Variants in ANK2 observed in about 807,000 individuals in gnomAD.
ANK2 encodes the protein ankyrin 2, also known as ankyrin-2.
In ANK2, 83 loss-of-function variants were observed where a neutral mutation model predicts 360.5. The observed-to-expected ratio is 0.23, with a 90% confidence interval of 0.19 to 0.28. ANK2 has a LOEUF of 0.28. Among genes scored for constraint, ANK2 ranks in the 10% least tolerant of loss-of-function variants. The probability of loss-of-function intolerance (pLI) is 1.00; values close to 1 mark genes in which losing one functional copy is unlikely to be tolerated. For synonymous variants in ANK2, 1,740 were observed against 1,759.5 expected (o/e 0.99, Z 0.28); for missense variants, 4,201 against 4,795.7 (o/e 0.88, Z 3.66).
intron 1 of ANK2, among the ~76,000 whole-genome samples, chr4:113,159,296 C>T (rs944714745): frequency 6.6e-6 from 1 of 151,564 alleles, no homozygotes; most frequent in Non-Finnish European, 1.5e-5. Flanking sequence ...AATATATAGA[C>T]TCCCTATGAC....
intron 1 of ANK2, among the ~76,000 whole-genome samples, chr4:113,129,088 A>C (rs2095848239): frequency 6.6e-6 from 1 of 152,216 alleles, no homozygotes; most frequent in Admixed American, 6.5e-5. Context: ...GCAACAAAAT[A>C]ACTAATAAAA....
At chr4:113,107,190 T>G (rs1258054628) in intron 1 of ANK2, among the ~76,000 whole-genome samples, 2 of 152,140 alleles carry the variant, frequency 1.3e-5, no homozygotes, top group Non-Finnish European at 2.9e-5. Flanking sequence ...ATTTTAAGAC[T>G]CATTCCACAG....
At chr4:112,917,691 C>T (rs1403388485) in intron 2 of ANK2, among the ~76,000 whole-genome samples, 1 of 152,130 alleles carries the variant, frequency 6.6e-6, no homozygotes, top group African/African-American at 2.4e-5. Context: ...TTTTTCAGTG[C>T]ACTAAGAAGA....
chr4:112,995,540 G>T (rs934274159), intron 2 of ANK2, among the ~76,000 whole-genome samples: 1 of 152,112 alleles, frequency 6.6e-6, no homozygotes. Flanking sequence ...CCATTCTGTA[G>T]GTTGTCTGTT....
intron 1 of ANK2, among the ~76,000 whole-genome samples, chr4:113,132,562 A>G (rs755680933): frequency 6.6e-6 from 1 of 152,160 alleles, no homozygotes; most frequent in South Asian, 2.1e-4. Flanking sequence ...CCGTGGCATG[A>G]TGGTAGCTTC....
chr4:113,021,541 C>CACACATATATAT (rs1489947974), intron 2 of ANK2, among the ~76,000 whole-genome samples: 3 of 95,572 alleles, frequency 3.1e-5, no homozygotes, highest in Admixed American at 1.1e-4. Flanking sequence ...CACACACAAA[C>CACACATATATAT]ATATATATAT....
chr4:113,185,675 T>A (rs957304214), intron 2 of ANK2, among the ~76,000 whole-genome samples: 6 of 152,246 alleles, frequency 3.9e-5, no homozygotes, highest in African/African-American at 1.4e-4. Flanking sequence ...TTTACTCTGA[T>A]GAAAGTTTCT....
At chr4:112,805,181 T>C in the ANK2 span, among the ~76,000 whole-genome samples, 2 of 152,102 alleles carry the variant, frequency 1.3e-5, no homozygotes, top group Non-Finnish European at 2.9e-5. Flanking sequence ...CCACTGTTTG[T>C]AGGAAAATTA....
intron 2 of ANK2, among the ~76,000 whole-genome samples, chr4:112,946,102 T>G (rs2094525947): frequency 6.6e-6 from 1 of 152,202 alleles, no homozygotes; most frequent in East Asian, 1.9e-4. Context: ...TTTTCTGGGC[T>G]CAGGTTCCAG....
At chr4:112,945,304 T>G (rs1487999581) in intron 2 of ANK2, among the ~76,000 whole-genome samples, 2 of 152,210 alleles carry the variant, frequency 1.3e-5, no homozygotes, top group Non-Finnish European at 2.9e-5. Flanking sequence ...TCCCATCTTG[T>G]GCCCAGAAGG....
intron 2 of ANK2, among the ~76,000 whole-genome samples, chr4:113,024,967 A>AT (rs1435141903): frequency 2.6e-5 from 4 of 152,042 alleles, no homozygotes; most frequent in African/African-American, 9.7e-5. Flanking sequence ...ATTTCATGGT[A>AT]TTTTTGGCAC....
At position 113,353,592 on chromosome 4, in the gene ANK2, T is replaced by G. The variant is rs746886469; in HGVS notation, c.4974T>G (p.Val1658=). ...VPLPKEQLQT[V]QDKAGKKCEA... ...TTCCCAAAGAGCAGCTGCAGACAGT[T>G]CAAGATAAGGCAGGGAAGAAATGTG... Residue 1658 remains valine (V), a synonymous_variant, in exon 38 of 46, where the codon GTT becomes GTG. Coordinates refer to ENST00000357077, the MANE Select transcript of ANK2 (RefSeq NM_001148.6). 22 of 1,613,966 alleles carry G rather than the reference T, an allele frequency of 1.4e-5. No individual in the cohort carries two copies. Among genetic ancestry groups the G allele is most frequent in the Non-Finnish European group, 1.9e-5 (22 of 1,179,954 alleles).
the ANK2 span, among the ~76,000 whole-genome samples, chr4:112,786,259 A>C: frequency 8.5e-5 from 13 of 152,122 alleles, no homozygotes; most frequent in East Asian, 5.8e-4. Flanking sequence ...AAAAAAAAAA[A>C]AACTAAATTC....
chr4:113,035,940 A>G (rs2061495600), intron 2 of ANK2, among the ~76,000 whole-genome samples: 1 of 151,952 alleles, frequency 6.6e-6, no homozygotes, highest in Non-Finnish European at 1.5e-5. Context: ...ACACCATAGC[A>G]TTTGTACAAC....
chr4:112,969,254 A>T (rs190293159), intron 2 of ANK2, among the ~76,000 whole-genome samples: 258 of 152,292 alleles, frequency 1.7e-3, no homozygotes, highest in African/African-American at 6.0e-3. Context: ...CTTAGTTTTA[A>T]AGCCCATAGA....
the ANK2 span, among the ~76,000 whole-genome samples, chr4:112,746,170 C>A: frequency 3.3e-5 from 5 of 151,860 alleles, no homozygotes; most frequent in Non-Finnish European, 7.4e-5. Context: ...GCAAGTATGG[C>A]CAGCTTTTAT....
chr4:112,793,015 C>A, the ANK2 span, among the ~76,000 whole-genome samples: 8 of 152,082 alleles, frequency 5.3e-5, no homozygotes, highest in Non-Finnish European at 1.2e-4. Flanking sequence ...TATAAACTTA[C>A]AATTCCTTTC....
rs1018438847 is a variant in ANK2 at position 113,326,859 on chromosome 4, G to A, written c.2901-3387G>A. Among the ~76,000 whole-genome samples, 7 of 152,192 alleles carry A rather than the reference G, an allele frequency of 4.6e-5. No homozygotes were observed. The East Asian group carries it at 1.4e-3, about 29-fold the overall frequency. ...TCTGAAAACAAACAAACAAACATTA[G>A]CCAGGTGCAATGATGCTGCCTGTAT... On this transcript the variant is annotated intron_variant, in intron 26 of 45. Coordinates refer to ENST00000357077, the MANE Select transcript of ANK2 (RefSeq NM_001148.6).
Position 113,354,849 on chromosome 4 carries a change from A to G in ANK2, c.6231A>G (p.Lys2077=). ...GVRVSSIGVK[K]EDAAGGKEKV... ...GTGTTTCCTCCATAGGAGTTAAGAAAGAAGATGCAGCTGGAGGAAAGGAGA... is the reference window on the plus strand; with the variant it reads ...GTGTTTCCTCCATAGGAGTTAAGAAGGAAGATGCAGCTGGAGGAAAGGAGA... The change falls in exon 38 of 46, where the codon AAA becomes AAG. Residue 2077 remains lysine (K), a synonymous_variant. Transcript: ENST00000357077. 2 of 1,614,178 alleles carry G rather than the reference A, an allele frequency of 1.2e-6. No homozygotes were observed. Among genetic ancestry groups the G allele is most frequent in the Non-Finnish European group, 1.7e-6 (2 of 1,180,014 alleles).
Sources: allele counts gnomAD v4.1 joint callset (sites outside exome capture counted in the v4.1 genomes callset), GRCh38; gene constraint gnomAD v4.1.1; transcripts MANE v1.5; gene names NCBI Gene and HGNC (gene_info 2026-07-23, HGNC 2026-07-21).